ZNRF3: variants seen among roughly 807,000 people sequenced by gnomAD.
ZNRF3 encodes E3 ubiquitin-protein ligase ZNRF3.
In ZNRF3, 23 loss-of-function variants were observed where a neutral mutation model predicts 72.5. The observed-to-expected ratio is 0.32, with a 90% CI of 0.23 to 0.45. The LOEUF (loss-of-function observed/expected upper bound fraction) is 0.45, where lower values mean the gene tolerates loss of function less well. Among genes scored for constraint, ZNRF3 ranks in the 20% least tolerant of loss-of-function variants. The pLI is 1.00. For missense variants in ZNRF3, 1,169 were observed against 1,272.1 expected, an observed-to-expected ratio of 0.92 and a Z score of 1.23; for synonymous variants, 610 against 545.3, an observed-to-expected ratio of 1.12 and a Z score of -1.65.
At chr22:28,940,352 A>G (rs191913604) in intron 1 of ZNRF3, among the ~76,000 whole-genome samples, 23 of 152,336 alleles carry the variant, frequency 1.5e-4, no homozygotes, top group Middle Eastern at 3.4e-3. Flanking sequence ...CTAAATAGTA[A>G]TCTTGAGAGG....
At chr22:29,036,561 T>C (rs996706873) in intron 2 of ZNRF3, among the ~76,000 whole-genome samples, 3 of 152,184 alleles carry the variant, frequency 2.0e-5, no homozygotes, top group Admixed American at 2.0e-4. Context: ...AATTTGCCTG[T>C]ATTGTCTGTG....
At chr22:28,987,356 C>G (rs750274942) in intron 2 of ZNRF3, among the ~76,000 whole-genome samples, 155 bp downstream of exon 2, 2 of 152,234 alleles carry the variant, frequency 1.3e-5, no homozygotes, top group African/African-American at 2.4e-5. Flanking sequence ...TGAGACATGC[C>G]TTGCAGTGGC....
At position 29,051,133 on chromosome 22, in the gene ZNRF3, C is replaced by T. The variant is rs558436084; in HGVS notation, c.2767+185C>T. Among the ~76,000 whole-genome samples the T allele has an allele frequency of 9.2e-5, 14 of 152,310 alleles. No individual in the cohort carries two copies. The South Asian group carries it at 2.9e-3, about 32-fold the overall frequency. On this transcript the variant is annotated intron_variant, in intron 8 of 8. Coordinates refer to ENST00000544604, the MANE Select transcript of ZNRF3 (RefSeq NM_001206998.2). ...CCTTGGAGTTCAGACCCATTGAGCC[C>T]TCTGCTTCCATGATCTCGGGATCTC...
intron 1 of ZNRF3, among the ~76,000 whole-genome samples, chr22:28,972,352 T>C (rs2035591212): frequency 6.6e-6 from 1 of 152,242 alleles, no homozygotes; most frequent in African/African-American, 2.4e-5. Flanking sequence ...TTTCATGTAA[T>C]AGACTCATAT....
chr22:28,910,917 T>C (rs1275544019), intron 1 of ZNRF3, among the ~76,000 whole-genome samples: 1 of 152,182 alleles, frequency 6.6e-6, no homozygotes, highest in East Asian at 1.9e-4. Context: ...TTTTTCTAGC[T>C]TGTGTAGACC....
At chr22:28,916,854 G>T (rs1367944206) in intron 1 of ZNRF3, among the ~76,000 whole-genome samples, 3 of 152,086 alleles carry the variant, frequency 2.0e-5, no homozygotes, top group Non-Finnish European at 4.4e-5. Flanking sequence ...TCTCCTTACC[G>T]TAGTCTCTTT....
chr22:29,031,742 G>A (rs1472854914), intron 2 of ZNRF3: 10 of 541,234 alleles, frequency 1.8e-5, no homozygotes, highest in African/African-American at 4.1e-5. Context: ...ACCTGTGGGC[G>A]TCAGGCGTGG....
intron 2 of ZNRF3, among the ~76,000 whole-genome samples, chr22:29,002,689 G>A (rs1217513118): frequency 2.0e-5 from 3 of 152,236 alleles, no homozygotes; most frequent in African/African-American, 7.2e-5. Context: ...TTTGTGGGAT[G>A]GGTATCCTTA....
chr22:28,892,425 G>A (rs1041262709), intron 1 of ZNRF3, among the ~76,000 whole-genome samples: 2 of 152,256 alleles, frequency 1.3e-5, no homozygotes, highest in African/African-American at 4.8e-5. Context: ...GTCTGTCACT[G>A]TATGAGCATT....
intron 1 of ZNRF3, among the ~76,000 whole-genome samples, chr22:28,942,361 G>T (rs1403241250): frequency 6.6e-6 from 1 of 152,178 alleles, no homozygotes; most frequent in Non-Finnish European, 1.5e-5. Flanking sequence ...CAAGAAAAAA[G>T]ACCTGGCCCT....
At chr22:29,032,932 A>T (rs901321144) in intron 2 of ZNRF3, among the ~76,000 whole-genome samples, 5 of 152,216 alleles carry the variant, frequency 3.3e-5, no homozygotes, top group Admixed American at 3.3e-4. Flanking sequence ...ATAATACCTG[A>T]ACAGAGAGAG....
chr22:28,938,575 T>C (rs774428343), intron 1 of ZNRF3, among the ~76,000 whole-genome samples: 93 of 152,184 alleles, frequency 6.1e-4, no homozygotes, highest in Admixed American at 9.2e-4. Context: ...GCAAAAACTT[T>C]TGACGACTTT....
intron 2 of ZNRF3, among the ~76,000 whole-genome samples, chr22:29,035,912 G>A (rs1218221981): frequency 6.6e-6 from 1 of 152,060 alleles, no homozygotes; most frequent in African/African-American, 2.4e-5. Context: ...GGTCTATGTT[G>A]CCCAGGCTGG....
intron 2 of ZNRF3, among the ~76,000 whole-genome samples, chr22:28,989,639 G>T (rs2035920440): frequency 6.6e-6 from 1 of 152,184 alleles, no homozygotes; most frequent in African/African-American, 2.4e-5. Flanking sequence ...TAGCTTGGGG[G>T]TGGGAGCTCC....
chr22:29,000,567 T>C (rs2036124192), intron 2 of ZNRF3, among the ~76,000 whole-genome samples: 1 of 152,232 alleles, frequency 6.6e-6, no homozygotes, highest in East Asian at 1.9e-4. Flanking sequence ...TAGTTACAAT[T>C]TACAATTTAT....
chr22:28,970,929 ATAG>A (rs1246757560), intron 1 of ZNRF3, among the ~76,000 whole-genome samples: 10 of 152,236 alleles, frequency 6.6e-5, no homozygotes, highest in African/African-American at 2.4e-4. Flanking sequence ...CTGTATCTTG[ATAG>A]TGGTGGTGGT....
chr22:29,029,043 C>A (rs1290461815), intron 2 of ZNRF3, among the ~76,000 whole-genome samples: 1 of 152,192 alleles, frequency 6.6e-6, no homozygotes, highest in Non-Finnish European at 1.5e-5. Context: ...GCCCCTCTTC[C>A]CAAGGATGTA....
chr22:28,944,073 AAAAT>A (rs2035001216), intron 1 of ZNRF3, among the ~76,000 whole-genome samples: 1 of 152,152 alleles, frequency 6.6e-6, no homozygotes, highest in South Asian at 2.1e-4. Flanking sequence ...AGGAGAGTCT[AAAAT>A]AAAATTAGCA....
chr22:29,028,261 C>T (rs557512875), intron 2 of ZNRF3, among the ~76,000 whole-genome samples: 21 of 152,154 alleles, frequency 1.4e-4, no homozygotes, highest in African/African-American at 4.8e-4. Flanking sequence ...AGCAGGTAAC[C>T]CTGTACAAAA....
Sources: allele counts gnomAD v4.1 joint callset (sites outside exome capture counted in the v4.1 genomes callset), GRCh38; gene constraint gnomAD v4.1.1; transcripts MANE v1.5; gene names NCBI Gene and HGNC (gene_info 2026-07-23, HGNC 2026-07-21).